The following NOTCH2NLC variants were observed in gnomAD, a reference collection of about 807,000 sequenced individuals.
The protein encoded by NOTCH2NLC is notch homolog 2 N-terminal-like protein C.
NOTCH2NLC carries 4 observed loss-of-function variants against 17.7 expected under a neutral mutation model. That is an observed-to-expected ratio of 0.23 (90% CI 0.11 to 0.52). The LOEUF (loss-of-function observed/expected upper bound fraction) is 0.52, where lower values mean the gene tolerates loss of function less well. NOTCH2NLC is among the 20% of genes least tolerant of loss of function. The probability of loss-of-function intolerance (pLI) is 0.96; values close to 1 mark genes in which losing one functional copy is unlikely to be tolerated. For synonymous variants in NOTCH2NLC, 18 were observed against 86.0 expected (o/e 0.21, Z 4.38); for missense variants, 57 against 207.2 (o/e 0.28, Z 4.45).
intron 2 of NOTCH2NLC, 46 bp downstream of exon 2, chr1:149,431,061 G>A: frequency 4.3e-6 from 1 of 232,458 alleles, no homozygotes; most frequent in Non-Finnish European, 7.5e-6. Context: ...TAGAACACTG[G>A]ACAAGATTTG....
rs1296703938 is a variant in NOTCH2NLC at position 149,429,773 on chromosome 1, C to T, written c.136-1169C>T. Among the ~76,000 whole-genome samples, 118 of 150,988 alleles carry T rather than the reference C, an allele frequency of 7.8e-4. 4 individuals carry two copies. The highest frequency in any genetic ancestry group is 9.6e-4 in the Non-Finnish European group (65 of 67,564). On this transcript the variant is annotated intron_variant, in intron 1 of 4. Transcript: ENST00000650865. ...CGTGGCCAGGGATGGCCAGGCCTAGCGTCTCTGATCTTGCACAATTTATGC... is the reference window on the plus strand; with the variant it reads ...CGTGGCCAGGGATGGCCAGGCCTAGTGTCTCTGATCTTGCACAATTTATGC...
At position 149,430,349 on chromosome 1, in the gene NOTCH2NLC, GC is replaced by G. The variant is rs1218669153; in HGVS notation, c.136-592del. Among the ~76,000 whole-genome samples the G allele has an allele frequency of 2.3e-4, 30 of 127,836 alleles. No homozygotes were observed. The East Asian group carries it at 5.8e-3, about 25-fold the overall frequency. The allele number at this position is 127,836 out of a possible 152,430, so 83.9% of individuals were successfully genotyped here. A position where few individuals can be genotyped will look rare whatever the true frequency, so the allele number is the denominator to read the frequency against. ...CCCATCTTTTTATGGGCCCCTTAAAGCTAGAGATTATGTTTATTCGTTTATT... is the reference window on the plus strand; with the variant it reads ...CCCATCTTTTTATGGGCCCCTTAAAGTAGAGATTATGTTTATTCGTTTATT... On this transcript the variant is annotated intron_variant, in intron 1 of 4. Coordinates refer to ENST00000650865, the MANE Select transcript of NOTCH2NLC (RefSeq NM_001364013.2).
At position 149,433,948 on chromosome 1, in the gene NOTCH2NLC, CAAA is replaced by C. The variant is rs1167291606; in HGVS notation, c.209+2946_209+2948del. On this transcript the variant is annotated intron_variant, in intron 2 of 4. Transcript: ENST00000650865. ...GAGCGACAGAGTGAGACTGTGTCTC[CAAA>C]AAAAAAAAAAAAGAAAATGGAGCTG... 1.2e-4 allele frequency among the ~76,000 whole-genome samples: 13 copies of C among 105,146 alleles called. 1 individual carries two copies. The highest frequency in any genetic ancestry group is 7.9e-4 in the East Asian group (3 of 3,786). The allele number at this position is 105,146 out of a possible 152,430, so 69.0% of individuals were successfully genotyped here. A position where few individuals can be genotyped will look rare whatever the true frequency, so the allele number is the denominator to read the frequency against.
At chr1:149,402,476 T>G (rs1432349005) in intron 1 of NOTCH2NLC, among the ~76,000 whole-genome samples, 3 of 111,984 alleles carry the variant, frequency 2.7e-5, no homozygotes, top group Admixed American at 1.9e-4. Context: ...AAATATTGCT[T>G]TATTTAATTC....
At chr1:149,418,933 T>G (rs1312857336) in intron 1 of NOTCH2NLC, among the ~76,000 whole-genome samples, 1 of 151,070 alleles carries the variant, frequency 6.6e-6, no homozygotes, top group Non-Finnish European at 1.5e-5. Flanking sequence ...GCTCGCTTGC[T>G]CTTTCTCTCT....
chr1:149,416,516 AATG>A (rs1386669319), intron 1 of NOTCH2NLC, among the ~76,000 whole-genome samples: 1 of 88,074 alleles, frequency 1.1e-5, no homozygotes, highest in Admixed American at 1.2e-4. Flanking sequence ...ACTTGGATAA[AATG>A]ATGATGGGTT....
rs1405775843 is a variant in NOTCH2NLC at position 149,419,868 on chromosome 1, T to A, written c.136-11074T>A. Among the ~76,000 whole-genome samples, 87 of 124,652 alleles carry A rather than the reference T, an allele frequency of 7.0e-4. 1 individual carries two copies. Among genetic ancestry groups the A allele is most frequent in the African/African-American group, 2.4e-3 (80 of 33,238 alleles). 81.8% of individuals were successfully genotyped at this position (124,652 alleles called of 152,430 possible). ...ATATATATATATATTTTTTTTTTTT[T>A]TTTTTTTTTTTTTCCTCAGGCAGAG... On this transcript the variant is annotated intron_variant, in intron 1 of 4. Transcript: ENST00000650865.
intron 1 of NOTCH2NLC, among the ~76,000 whole-genome samples, chr1:149,422,436 G>T (rs1405565242): frequency 6.7e-6 from 1 of 149,638 alleles, no homozygotes; most frequent in Non-Finnish European, 1.5e-5. Context: ...AGAGAGATGA[G>T]TGAGCCAGCA....
At chr1:149,436,412 T>C in intron 2 of NOTCH2NLC, among the ~76,000 whole-genome samples, 1 of 45,346 alleles carries the variant, frequency 2.2e-5, no homozygotes, top group Admixed American at 2.4e-4. Context: ...CCAGATTTCC[T>C]GAATCCATCC....
intron 3 of NOTCH2NLC, among the ~76,000 whole-genome samples, chr1:149,462,116 G>A (rs2084653873): frequency 6.9e-6 from 1 of 145,586 alleles, no homozygotes; most frequent in Non-Finnish European, 1.5e-5. Flanking sequence ...GTGTACCCTA[G>A]AACTTAAAGT....
At chr1:149,394,275 C>T (rs2084193098) in intron 1 of NOTCH2NLC, among the ~76,000 whole-genome samples, 1 of 147,648 alleles carries the variant, frequency 6.8e-6, no homozygotes. Flanking sequence ...AACTTGGTTG[C>T]AACCCACTGA....
intron 2 of NOTCH2NLC, among the ~76,000 whole-genome samples, chr1:149,432,441 G>A (rs1349797003): frequency 2.0e-5 from 3 of 151,092 alleles, no homozygotes; most frequent in Non-Finnish European, 4.4e-5. Flanking sequence ...ATTATGGGCT[G>A]CTCATTTAGT....
chr1:149,414,430 A>G (rs1302645680), intron 1 of NOTCH2NLC, among the ~76,000 whole-genome samples: 12 of 149,682 alleles, frequency 8.0e-5, no homozygotes, highest in Middle Eastern at 3.5e-3. Flanking sequence ...GTTTCTTTGC[A>G]TTTTTCTGGC....
At chr1:149,400,191 A>G (rs1157164098) in intron 1 of NOTCH2NLC, among the ~76,000 whole-genome samples, 1 of 138,886 alleles carries the variant, frequency 7.2e-6, no homozygotes, top group Non-Finnish European at 1.6e-5. Flanking sequence ...GCACACACAC[A>G]TAATATACTA....
chr1:149,395,817 T>C (rs2084204130), intron 1 of NOTCH2NLC, among the ~76,000 whole-genome samples: 1 of 143,876 alleles, frequency 7.0e-6, no homozygotes, highest in African/African-American at 2.5e-5. Flanking sequence ...TATATTTGCT[T>C]TTTTTTTTTT....
intron 3 of NOTCH2NLC, among the ~76,000 whole-genome samples, chr1:149,461,158 C>G (rs1272123982): frequency 6.7e-6 from 1 of 150,052 alleles, no homozygotes; most frequent in African/African-American, 2.5e-5. Flanking sequence ...TGGTCTCAAA[C>G]TCCTAACCAC....
intron 2 of NOTCH2NLC, among the ~76,000 whole-genome samples, chr1:149,435,227 GTGTTTC>G (rs1425771385): frequency 1.2e-5 from 1 of 84,712 alleles, no homozygotes; most frequent in Non-Finnish European, 2.3e-5. Context: ...GTCTATGGAT[GTGTTTC>G]TGTTTCTATC....
chr1:149,463,146 T>C (rs1216035931), intron 3 of NOTCH2NLC, among the ~76,000 whole-genome samples: 1 of 150,892 alleles, frequency 6.6e-6, no homozygotes, highest in South Asian at 2.1e-4. Context: ...GAAGTTGATA[T>C]TCAAACAGGA....
intron 1 of NOTCH2NLC, among the ~76,000 whole-genome samples, chr1:149,426,576 C>CT (rs1224339764): frequency 0.046 from 4,749 of 104,240 alleles, 42 homozygotes; most frequent in East Asian, 0.062. Context: ...TTCTTTTTGC[C>CT]TTTTTTTTTT....
Sources: gnomAD v4.1 joint callset for allele counts (sites outside exome capture counted in the v4.1 genomes callset) on GRCh38, gnomAD v4.1.1 for gene constraint, MANE v1.5 for transcripts, NCBI Gene and HGNC (gene_info 2026-07-23, HGNC 2026-07-21) for gene names.